PHEX: variants seen among roughly 807,000 people sequenced by gnomAD.
PHEX encodes phosphate regulating endopeptidase X-linked, also known as phosphate-regulating neutral endopeptidase PHEX.
Under a neutral mutation model 68.0 loss-of-function variants are expected in PHEX, and 16 were observed. The observed-to-expected ratio is 0.24, with a 90% CI of 0.16 to 0.36. The LOEUF is 0.36. PHEX is among the 10% of genes least tolerant of loss of function. PHEX has a pLI of 1.00. For synonymous variants in PHEX, 208 were observed against 205.1 expected (o/e 1.01, Z -0.12); for missense variants, 480 against 575.5 (o/e 0.83, Z 1.70).
chrX:22,192,006 A>T (rs1351452923), intron 15 of PHEX, among the ~76,000 whole-genome samples: 3 of 112,316 alleles, frequency 2.7e-5, no homozygotes, highest in Admixed American at 1.9e-4. Flanking sequence ...TTGGAGGTCC[A>T]TCCATTTGTA....
chrX:22,070,011 T>C, intron 3 of PHEX, among the ~76,000 whole-genome samples: 1 of 111,414 alleles, frequency 9.0e-6, no homozygotes, highest in Non-Finnish European at 1.9e-5. Flanking sequence ...ATTTTCAGTA[T>C]AGTAAATAAA....
At chrX:22,072,895 A>C (rs1928968309) in intron 3 of PHEX, among the ~76,000 whole-genome samples, 1 of 111,918 alleles carries the variant, frequency 8.9e-6, no homozygotes, top group South Asian at 3.7e-4. Context: ...TCATTGGAAA[A>C]ATTTACATAA....
At chrX:22,190,585 T>G in intron 15 of PHEX, 83 bp downstream of exon 15, 2 of 672,718 alleles carry the variant, frequency 3.0e-6, no homozygotes, top group Non-Finnish European at 4.9e-6. Context: ...GGGTAAGACA[T>G]TTCTTATTTC....
At chrX:22,043,225 A>G (rs902546238) in intron 2 of PHEX, among the ~76,000 whole-genome samples, 1 of 112,441 alleles carries the variant, frequency 8.9e-6, no homozygotes, top group African/African-American at 3.2e-5. Flanking sequence ...AGCTAACTAC[A>G]TACATACGTA....
rs772921325 is a variant in PHEX, at chrX:22,097,000, A to G, written c.895A>G (p.Lys299Glu). The G allele has an allele frequency of 8.3e-7, 1 of 1,206,800 alleles. No individual in the cohort carries two copies. The highest frequency in any genetic ancestry group is 1.1e-6 in the Non-Finnish European group (1 of 890,771). The change falls in exon 8 of 22, where the codon AAA becomes GAA. Residue 299 changes from lysine to glutamate, a missense_variant. By Grantham distance (56) the Lys-to-Glu change is moderately conservative. Coordinates refer to ENST00000379374, the MANE Select transcript of PHEX (RefSeq NM_000444.6). ...CCGAACCAGCGAGGCCATGTACAAC[A>G]AAATGAACATTTCTGAACTGAGTGC... is the stretch of plus-strand genomic sequence containing the variant. ...ENRTSEAMYN[K>E]MNISELSAMI...
chrX:22,034,226 A>G (rs1280913235), intron 1 of PHEX, among the ~76,000 whole-genome samples: 1 of 112,210 alleles, frequency 8.9e-6, no homozygotes, highest in Non-Finnish European at 1.9e-5. Flanking sequence ...CTCTGCTGAA[A>G]TTCCAAACAA....
At chrX:22,240,625 A>G (rs916008738) in intron 20 of PHEX, among the ~76,000 whole-genome samples, 5 of 101,834 alleles carry the variant, frequency 4.9e-5, no homozygotes, top group Admixed American at 1.0e-4. Flanking sequence ...GATAAAACAG[A>G]CTTTAATCCA....
intron 3 of PHEX, among the ~76,000 whole-genome samples, chrX:22,065,381 C>A (rs1293470653): frequency 8.9e-6 from 1 of 111,980 alleles, no homozygotes; most frequent in African/African-American, 3.2e-5. Flanking sequence ...CTTCTACTAC[C>A]CACTGGTCTA....
In PHEX at chrX:22,176,687, T is replaced by C. The variant is rs140423741; in HGVS notation, c.1483-1586T>C. Among the ~76,000 whole-genome samples, 853 of 110,593 alleles carry C rather than the reference T, an allele frequency of 7.7e-3. 7 individuals carry two copies. Among genetic ancestry groups the C allele is most frequent in the African/African-American group, 0.027 (822 of 30,584 alleles). Reference sequence around the variant, plus strand: ...TTCAGTCTTATTATTGTTATTCCCATGCCTTTCTTTATGCTTTTGCTACAT... The same window carrying C: ...TTCAGTCTTATTATTGTTATTCCCACGCCTTTCTTTATGCTTTTGCTACAT... On this transcript the variant is annotated intron_variant, in intron 13 of 21. Transcript: ENST00000379374.
chrX:22,153,687 A>G (rs757941422), intron 12 of PHEX, among the ~76,000 whole-genome samples: 1 of 111,920 alleles, frequency 8.9e-6, no homozygotes, highest in African/African-American at 3.2e-5. Flanking sequence ...ATTCTACCAG[A>G]TGGCATTCGA....
intron 1 of PHEX, among the ~76,000 whole-genome samples, chrX:22,037,366 C>T (rs1056144257): frequency 8.1e-5 from 9 of 111,462 alleles, no homozygotes; most frequent in African/African-American, 2.9e-4. Flanking sequence ...CATTCACCTC[C>T]CACCATCCCT....
chrX:22,055,849 C>T (rs774679689), intron 3 of PHEX, among the ~76,000 whole-genome samples: 6 of 111,942 alleles, frequency 5.4e-5, no homozygotes, highest in South Asian at 7.4e-4. Flanking sequence ...TGTGAGCCAC[C>T]GCTCCCAGAC....
Position 22,219,065 on chromosome X carries a change from T to C in PHEX, c.1730T>C (p.Ile577Thr), listed in dbSNP as rs1935182642. ...RSLSYGAIGV[I>T]VGHEFTHGFD... is the part of the protein sequence containing the mutation. Reference sequence around the variant, plus strand: ...CTGAGTTATGGTGCTATAGGAGTAATTGTCGGACATGAATTTACACATGGA... The same window carrying C: ...CTGAGTTATGGTGCTATAGGAGTAACTGTCGGACATGAATTTACACATGGA... The change falls in exon 17 of 22, where the codon ATT becomes ACT. Residue 577 changes from isoleucine to threonine, a missense_variant. Physicochemically the swap from Ile to Thr is moderately conservative, Grantham distance 89. Transcript: ENST00000379374. The C allele has an allele frequency of 1.7e-6, 2 of 1,184,802 alleles. No homozygotes were observed. Among genetic ancestry groups the C allele is most frequent in the Non-Finnish European group, 2.3e-6 (2 of 872,023 alleles).
intron 12 of PHEX, among the ~76,000 whole-genome samples, chrX:22,158,402 G>A (rs907585133): frequency 4.5e-5 from 5 of 112,211 alleles, no homozygotes; most frequent in African/African-American, 9.7e-5. Context: ...TGAAAGGGCA[G>A]TGATCAGTTG....
chrX:22,130,172 T>C (rs1167371653), intron 11 of PHEX, among the ~76,000 whole-genome samples: 6 of 111,583 alleles, frequency 5.4e-5, no homozygotes, highest in Admixed American at 2.9e-4. Flanking sequence ...CCCTCCCTAA[T>C]TTGGGAAGAT....
chrX:22,188,666 G>A (rs1434710057), intron 14 of PHEX, among the ~76,000 whole-genome samples: 2 of 112,060 alleles, frequency 1.8e-5, no homozygotes, highest in African/African-American at 3.2e-5. Flanking sequence ...GGGTACATGA[G>A]ATATTTTGAT....
chrX:22,133,332 C>G (rs772328368), intron 11 of PHEX, among the ~76,000 whole-genome samples, 191 bp from the exon 12 acceptor site: 6 of 111,992 alleles, frequency 5.4e-5, no homozygotes, highest in Admixed American at 9.5e-5. Flanking sequence ...GGTTAGTTAT[C>G]TTTTAGTGGT....
intron 12 of PHEX, among the ~76,000 whole-genome samples, chrX:22,154,376 C>G (rs1932907306): frequency 9.0e-6 from 1 of 110,893 alleles, no homozygotes; most frequent in Non-Finnish European, 1.9e-5. Context: ...GGTACCATGG[C>G]AAGTACCATG....
intron 7 of PHEX, among the ~76,000 whole-genome samples, chrX:22,096,032 G>A (rs190412070): frequency 8.9e-6 from 1 of 112,012 alleles, no homozygotes; most frequent in Non-Finnish European, 1.9e-5. Context: ...GATGCAGTGA[G>A]TCTTGGGCAG....
Sources: allele counts gnomAD v4.1 joint callset (sites outside exome capture counted in the v4.1 genomes callset), GRCh38; gene constraint gnomAD v4.1.1; transcripts MANE v1.5; gene names NCBI Gene and HGNC (gene_info 2026-07-23, HGNC 2026-07-21).